The following PARP16 variants were observed in gnomAD, a reference collection of about 807,000 sequenced individuals.
The protein encoded by PARP16 is poly(ADP-ribose) polymerase family member 16, also known as protein mono-ADP-ribosyltransferase PARP16.
In PARP16, 31 loss-of-function variants were observed where a neutral mutation model predicts 35.0. The ratio of observed to expected loss-of-function variants is 0.88; its 90% CI spans 0.66 to 1.19. The LOEUF (loss-of-function observed/expected upper bound fraction) is 1.19. Ranked by LOEUF, PARP16 falls within the 50% of genes most tolerant of loss-of-function variation. The pLI, the probability that PARP16 is intolerant of heterozygous loss-of-function variation, is 0.00. For synonymous variants in PARP16, 162 were observed against 169.5 expected, an observed-to-expected ratio of 0.96 and a Z score of 0.34; for missense variants, 424 against 411.2, an observed-to-expected ratio of 1.03 and a Z score of -0.27.
rs780616392 is a variant in PARP16, at chr15:65,260,913, G to C, written c.805C>G (p.Leu269Val). 6 of 1,613,830 alleles carry C rather than the reference G, an allele frequency of 3.7e-6. No homozygotes were observed. Among genetic ancestry groups the C allele is most frequent in the South Asian group, 1.1e-5 (1 of 91,074 alleles). The change falls in exon 5 of 6, where the codon CTG becomes GTG. Residue 269 changes from leucine to valine, a missense_variant. Physicochemically the swap from Leu to Val is conservative, Grantham distance 32 (BLOSUM62 1). Transcript: ENST00000649807. ...TTGGGTGGCTTCTGTGAATACACCA[G>C]GAGGTACTTCACTCGCAGCAGCTGG... is the stretch of plus-strand genomic sequence containing the variant. ...NNQLLRVKYL[L>V]VYSQKPPKRA...
intron 5 of PARP16, among the ~76,000 whole-genome samples, chr15:65,259,871 T>TGGTGGCA (rs1308114889): frequency 1.3e-5 from 2 of 152,216 alleles, no homozygotes; most frequent in Admixed American, 6.5e-5. Context: ...TCTGCCCAGA[T>TGGTGGCA]GGTGGCAGGT....
At chr15:65,256,542 G>A (rs997984769), downstream of PARP16, among the ~76,000 whole-genome samples, 4 of 151,460 alleles carry the variant, frequency 2.6e-5, no homozygotes, top group Non-Finnish European at 1.5e-5. Context: ...CGAGTAGCTG[G>A]GACTACAGGC....
intron 2 of PARP16, among the ~76,000 whole-genome samples, chr15:65,252,195 T>C (rs915802946): frequency 6.6e-6 from 1 of 151,904 alleles, no homozygotes; most frequent in Non-Finnish European, 1.5e-5. Flanking sequence ...CCAAGACCAA[T>C]GAGAGTGGGA....
intron 1 of PARP16, among the ~76,000 whole-genome samples, chr15:65,281,424 T>C (rs989842485): frequency 3.9e-5 from 6 of 152,144 alleles, no homozygotes; most frequent in Admixed American, 3.3e-4. Flanking sequence ...GCACGGTGGC[T>C]CATGCCTGTA....
chr15:65,239,813 C>G (rs1254025563), intron 3 of PARP16, among the ~76,000 whole-genome samples: 4 of 151,424 alleles, frequency 2.6e-5, no homozygotes, highest in Admixed American at 6.6e-5. Flanking sequence ...CCTTCCACCA[C>G]GCCTGGCTAA....
rs567616239 is a variant in PARP16, at chr15:65,276,890, G to A, written c.175-5818C>T. Among the ~76,000 whole-genome samples the A allele has an allele frequency of 4.6e-5, 7 of 151,762 alleles. No individual in the cohort carries two copies. The South Asian group carries it at 8.4e-4, about 18-fold the overall frequency. On this transcript the variant is annotated intron_variant, in intron 1 of 5. Coordinates refer to ENST00000649807, the MANE Select transcript of PARP16 (RefSeq NM_001316943.2). Reference sequence around the variant, plus strand: ...CCAGCTACTTGGGAGGCTGAGGCAGGAGAATCGCTTGAACCGGGGATGTGG... The same window carrying A: ...CCAGCTACTTGGGAGGCTGAGGCAGAAGAATCGCTTGAACCGGGGATGTGG...
At chr15:65,269,030 C>T (rs534827622) in intron 2 of PARP16, among the ~76,000 whole-genome samples, 17 of 152,254 alleles carry the variant, frequency 1.1e-4, no homozygotes, top group African/African-American at 3.4e-4. Flanking sequence ...GCTGGAATTA[C>T]AGGCGTGAGC....
chr15:65,263,334 G>T lies in PARP16; in HGVS notation c.520-14C>A. The T allele has an allele frequency of 6.4e-7, 1 of 1,555,294 alleles. No individual in the cohort carries two copies. ...GAACAAGGATGTCTGCAACAGCAAG[G>T]CCAATGGAAAAGAAACACAGATGGT... On this transcript the variant is annotated splice_polypyrimidine_tract_variant and intron_variant, in intron 3 of 5. Coordinates refer to ENST00000649807, the MANE Select transcript of PARP16 (RefSeq NM_001316943.2).
chr15:65,247,401 A>C (rs1022245197), intron 3 of PARP16, among the ~76,000 whole-genome samples: 2 of 152,216 alleles, frequency 1.3e-5, no homozygotes, highest in African/African-American at 2.4e-5. Context: ...GCTGGGATTC[A>C]AACTGAGTTC....
downstream of PARP16, among the ~76,000 whole-genome samples, chr15:65,255,611 G>A (rs1032477933): frequency 6.6e-6 from 1 of 151,780 alleles, no homozygotes; most frequent in African/African-American, 2.4e-5. Context: ...TAACCCTGGA[G>A]CTCCTGGAGG....
At chr15:65,272,763 G>A (rs2090130988) in intron 1 of PARP16, among the ~76,000 whole-genome samples, 1 of 152,176 alleles carries the variant, frequency 6.6e-6, no homozygotes, top group Non-Finnish European at 1.5e-5. Flanking sequence ...GATCTCAGTT[G>A]GAATCTCTGT....
chr15:65,270,788 G>C, intron 2 of PARP16, 147 bp downstream of exon 2: 1 of 743,098 alleles, frequency 1.3e-6, no homozygotes, highest in Non-Finnish European at 2.2e-6. Context: ...CACAGAACTA[G>C]AAAGTCTAAA....
intron 3 of PARP16, among the ~76,000 whole-genome samples, chr15:65,238,597 C>T (rs142046209): frequency 1.3e-5 from 2 of 152,338 alleles, no homozygotes; most frequent in East Asian, 1.9e-4. Context: ...TCACTGCAGC[C>T]GCAGCATCTC....
chr15:65,266,994 A>C lies in PARP16; in HGVS notation c.313-226T>G, dbSNP rs540023651. 5.3e-3 allele frequency among the ~76,000 whole-genome samples: 805 copies of C among 150,740 alleles called. 7 individuals carry two copies. Among genetic ancestry groups the C allele is most frequent in the African/African-American group, 0.018 (759 of 41,114 alleles). Reference sequence around the variant, plus strand: ...TGGTGGCTCACACCTGTAATCCCAAAACTTTGGGAGGCCGAGGCAGGTGGA... The same window carrying C: ...TGGTGGCTCACACCTGTAATCCCAACACTTTGGGAGGCCGAGGCAGGTGGA... On this transcript the variant is annotated intron_variant, in intron 2 of 5. Coordinates refer to ENST00000649807, the MANE Select transcript of PARP16 (RefSeq NM_001316943.2).
chr15:65,240,590 T>C (rs564963269), intron 3 of PARP16, among the ~76,000 whole-genome samples: 51 of 152,284 alleles, frequency 3.3e-4, no homozygotes, highest in East Asian at 1.3e-3. Flanking sequence ...CAGTATTTTT[T>C]TTATTGCTGA....
intron 1 of PARP16, among the ~76,000 whole-genome samples, chr15:65,275,379 G>C (rs1240803086): frequency 1.3e-5 from 2 of 152,144 alleles, no homozygotes; most frequent in Admixed American, 6.5e-5. Context: ...TCTACTAGCT[G>C]TGTGACCTTT....
downstream of PARP16, among the ~76,000 whole-genome samples, chr15:65,256,763 T>C (rs560658336): frequency 2.6e-5 from 4 of 152,272 alleles, no homozygotes; most frequent in Admixed American, 1.3e-4. Context: ...TCCAGCCTGA[T>C]TTCTCATCAC....
downstream of PARP16, chr15:65,258,000 T>A (rs1284514433): frequency 6.6e-6 from 1 of 152,178 alleles, no homozygotes; most frequent in Non-Finnish European, 1.5e-5. Context: ...AGCAAACAGC[T>A]AGTTTGAACA....
chr15:65,235,273 C>A (rs1479514160), intron 3 of PARP16, among the ~76,000 whole-genome samples: 1 of 151,762 alleles, frequency 6.6e-6, no homozygotes, highest in African/African-American at 2.4e-5. Context: ...CGCCACTGCA[C>A]TTCAGCCTGG....
Sources: allele counts gnomAD v4.1 joint callset (sites outside exome capture counted in the v4.1 genomes callset), GRCh38; gene constraint gnomAD v4.1.1; transcripts MANE v1.5; gene names NCBI Gene and HGNC (gene_info 2026-07-23, HGNC 2026-07-21).